CSMD1: variants seen among roughly 807,000 people sequenced by gnomAD.
CSMD1 encodes CUB and sushi domain-containing protein 1.
CSMD1 carries 213 observed loss-of-function variants against 417.5 expected under a neutral mutation model. The ratio of observed to expected loss-of-function variants is 0.51; its 90% confidence interval spans 0.46 to 0.57. The LOEUF is 0.57. Among genes scored for constraint, CSMD1 ranks in the 20% least tolerant of loss-of-function variants. CSMD1 has a pLI of 0.00. For missense variants in CSMD1, 6,923 were observed against 4,529.7 expected (o/e 1.53, Z -15.17); for synonymous variants, 2,862 against 1,736.8 (o/e 1.65, Z -16.11).
intron 1 of CSMD1, among the ~76,000 whole-genome samples, chr8:4,955,343 C>A (rs1359577320): frequency 6.6e-6 from 1 of 152,078 alleles, no homozygotes; most frequent in Non-Finnish European, 1.5e-5. Flanking sequence ...AACAGTACTT[C>A]CCATGCATTT....
chr8:3,606,232 G>C (rs969944803), intron 8 of CSMD1, among the ~76,000 whole-genome samples: 2 of 152,126 alleles, frequency 1.3e-5, no homozygotes, highest in African/African-American at 2.4e-5. Flanking sequence ...CCAGGATGCA[G>C]TGTGAGAAAT....
At chr8:3,436,560 T>A (rs1204613321) in intron 12 of CSMD1, among the ~76,000 whole-genome samples, 2 of 152,236 alleles carry the variant, frequency 1.3e-5, no homozygotes, top group East Asian at 3.9e-4. Flanking sequence ...TCATTTTCTT[T>A]TCTACCTTCT....
chr8:3,493,719 T>A lies in CSMD1; in HGVS notation c.1352A>T (p.Lys451Met). ...CAGCTCAAACTCTTCAAAGGCAAGC[T>A]TGATGACCTAAATACAAGGTACGAA... ...ITTTDPDKVIKLAFEEFELER... is the reference protein window; with the variant it reads ...ITTTDPDKVIMLAFEEFELER... Residue 451 changes from lysine (K) to methionine (M), a missense_variant, in exon 11 of 70, where the codon AAG (lysine) becomes ATG (methionine). Lys to Met is a moderately conservative substitution (Grantham distance 95). Coordinates refer to ENST00000635120, the MANE Select transcript of CSMD1 (RefSeq NM_033225.6). The A allele has an allele frequency of 6.2e-7, 1 of 1,609,792 alleles. No individual in the cohort carries two copies. Among genetic ancestry groups the A allele is most frequent in the Non-Finnish European group, 8.5e-7 (1 of 1,178,018 alleles).
chr8:4,720,369 G>A (rs963773266), intron 1 of CSMD1, among the ~76,000 whole-genome samples: 2 of 152,068 alleles, frequency 1.3e-5, no homozygotes, highest in Non-Finnish European at 2.9e-5. Flanking sequence ...AGGAAAATAT[G>A]ACAAACTATA....
chr8:4,537,307 G>C (rs1797149181), intron 2 of CSMD1, among the ~76,000 whole-genome samples: 1 of 152,136 alleles, frequency 6.6e-6, no homozygotes, highest in African/African-American at 2.4e-5. Context: ...TTTTATAAAT[G>C]CTGTTAAAGA....
intron 3 of CSMD1, among the ~76,000 whole-genome samples, chr8:4,364,432 GTTT>G (rs934092665): frequency 2.0e-5 from 3 of 151,984 alleles, no homozygotes; most frequent in East Asian, 3.9e-4. Flanking sequence ...AGATTCATTT[GTTT>G]TTCATGTTTT....
At chr8:4,287,622 T>G (rs1412776065) in intron 3 of CSMD1, among the ~76,000 whole-genome samples, 2 of 151,528 alleles carry the variant, frequency 1.3e-5, no homozygotes, top group Non-Finnish European at 2.9e-5. Context: ...TACATAACCT[T>G]AATTAAATGC....
At chr8:3,709,405 A>C (rs1307257968) in intron 6 of CSMD1, among the ~76,000 whole-genome samples, 4 of 152,086 alleles carry the variant, frequency 2.6e-5, no homozygotes, top group Non-Finnish European at 4.4e-5. Flanking sequence ...CTGTGACTCT[A>C]TGTGTAAATA....
chr8:3,654,722 C>T (rs1479644301), intron 7 of CSMD1, among the ~76,000 whole-genome samples: 1 of 152,214 alleles, frequency 6.6e-6, no homozygotes, highest in African/African-American at 2.4e-5. Context: ...CATTGGGCAT[C>T]TCTGCAGGTG....
At chr8:4,275,183 C>A (rs1262165747) in intron 3 of CSMD1, among the ~76,000 whole-genome samples, 1 of 151,910 alleles carries the variant, frequency 6.6e-6, no homozygotes, top group Non-Finnish European at 1.5e-5. Flanking sequence ...GGGGTTTTTT[C>A]TTTCTAGTTT....
At chr8:4,156,563 T>C (rs147634423) in intron 3 of CSMD1, among the ~76,000 whole-genome samples, 3 of 152,358 alleles carry the variant, frequency 2.0e-5, no homozygotes, top group African/African-American at 7.2e-5. Flanking sequence ...AAAAGATCAC[T>C]TCTATCCACA....
chr8:4,556,664 C>T (rs557907731), intron 2 of CSMD1, among the ~76,000 whole-genome samples: 23 of 152,290 alleles, frequency 1.5e-4, no homozygotes, highest in Non-Finnish European at 3.1e-4. Flanking sequence ...TAGTGCAATG[C>T]AAACAACAAA....
intron 2 of CSMD1, among the ~76,000 whole-genome samples, chr8:4,469,626 T>C (rs982671550): frequency 1.3e-5 from 2 of 152,238 alleles, no homozygotes; most frequent in Non-Finnish European, 2.9e-5. Context: ...ACATCCCTAA[T>C]GTAGCTTAGA....
chr8:4,993,389 T>TCTGTCTCTCTCCCTCTTTCTCGCC (rs71209147), intron 1 of CSMD1, among the ~76,000 whole-genome samples: 34,318 of 151,428 alleles, frequency 0.23, 4,960 homozygotes, highest in Non-Finnish European at 0.33. Flanking sequence ...TCTCTCTCTC[T>TCTGTCTCTCTCCCTCTTTCTCGCC]CTGTCTCTCT....
chr8:4,909,505 G>C (rs1805518940), intron 1 of CSMD1, among the ~76,000 whole-genome samples: 1 of 152,128 alleles, frequency 6.6e-6, no homozygotes, highest in Admixed American at 6.5e-5. Context: ...TTTCCCTAAA[G>C]AGAAAGCCTT....
intron 3 of CSMD1, among the ~76,000 whole-genome samples, chr8:4,084,175 G>C (rs185131552): frequency 6.6e-6 from 1 of 151,874 alleles, no homozygotes; most frequent in Non-Finnish European, 1.5e-5. Context: ...AAAAGAGAAA[G>C]AATTTTAAAA....
intron 2 of CSMD1, among the ~76,000 whole-genome samples, chr8:4,430,193 C>G (rs1797793217): frequency 6.6e-6 from 1 of 152,082 alleles, no homozygotes; most frequent in South Asian, 2.1e-4. Flanking sequence ...GCAAGGTGCC[C>G]CTTTATCTCA....
At chr8:3,279,242 A>C (rs1320270041) in intron 26 of CSMD1, 1 of 152,188 alleles carries the variant, frequency 6.6e-6, no homozygotes, top group Non-Finnish European at 1.5e-5. Flanking sequence ...AGGGAATATA[A>C]TGACTAGTGG....
intron 2 of CSMD1, among the ~76,000 whole-genome samples, chr8:4,632,435 C>T (rs371450834): frequency 2.6e-5 from 4 of 152,010 alleles, no homozygotes; most frequent in East Asian, 1.9e-4. Flanking sequence ...TTGCTTAAAC[C>T]GGAGAGGAGG....
Sources: allele counts gnomAD v4.1 joint callset (sites outside exome capture counted in the v4.1 genomes callset), GRCh38; gene constraint gnomAD v4.1.1; transcripts MANE v1.5; gene names NCBI Gene and HGNC (gene_info 2026-07-23, HGNC 2026-07-21).